The following NCOA7 variants were observed in gnomAD, a reference collection of about 807,000 sequenced individuals.
NCOA7 encodes the protein nuclear receptor coactivator 7.
NCOA7 carries 45 observed loss-of-function variants against 104.3 expected under a neutral mutation model. That is an observed-to-expected ratio of 0.43 (90% CI 0.34 to 0.55). The LOEUF (loss-of-function observed/expected upper bound fraction) is 0.55, where lower values mean the gene tolerates loss of function less well. Ranked by LOEUF, NCOA7 falls within the 20% of genes least tolerant of loss-of-function variation. The probability of loss-of-function intolerance (pLI) is 0.02; values close to 1 mark genes in which losing one functional copy is unlikely to be tolerated. For missense variants in NCOA7, 1,041 were observed against 1,119.7 expected (o/e 0.93, Z 1.00); for synonymous variants, 398 against 402.3 (o/e 0.99, Z 0.13).
chr6:125,882,735 G>A (rs1783946418), intron 7 of NCOA7, 184 bp downstream of exon 7: 2 of 624,102 alleles, frequency 3.2e-6, no homozygotes, highest in East Asian at 5.9e-5. Flanking sequence ...GGTAAATGTT[G>A]TCACTGAGTG....
chr6:125,868,732 C>G (rs1408512014), intron 3 of NCOA7, among the ~76,000 whole-genome samples: 2 of 152,214 alleles, frequency 1.3e-5, no homozygotes, highest in African/African-American at 4.8e-5. Flanking sequence ...ATCAGGGTAC[C>G]CCTTTCTTTG....
rs373063892 is a variant in NCOA7 at position 125,838,030 on chromosome 6, C to G, written c.51-16990C>G. ...ACAAAGCCCTTCCTAGTCCTTAACTCTCTAGGGGCTAAGGAAAAACTTCCC... is the reference window on the plus strand; with the variant it reads ...ACAAAGCCCTTCCTAGTCCTTAACTGTCTAGGGGCTAAGGAAAAACTTCCC... On this transcript the variant is annotated intron_variant, in intron 2 of 15. Transcript: ENST00000392477. 7.6e-4 allele frequency among the ~76,000 whole-genome samples: 116 copies of G among 152,302 alleles called. No homozygotes were observed. The Middle Eastern group carries it at 0.031, about 40-fold the overall frequency.
intron 3 of NCOA7, 128 bp downstream of exon 3, chr6:125,855,368 C>T (rs1218460903): frequency 4.3e-6 from 3 of 690,480 alleles, no homozygotes; most frequent in Admixed American, 2.9e-5. Context: ...GTGCCCCTGG[C>T]CCTTGCTTTA....
chr6:125,903,067 G>A (rs919275036), intron 10 of NCOA7, among the ~76,000 whole-genome samples: 1 of 152,160 alleles, frequency 6.6e-6, no homozygotes, highest in South Asian at 2.1e-4. Context: ...TTCTTCTTTA[G>A]AGATGACAAC....
At chr6:125,876,211 T>C (rs943459227) in intron 4 of NCOA7, among the ~76,000 whole-genome samples, 1 of 152,236 alleles carries the variant, frequency 6.6e-6, no homozygotes. Flanking sequence ...TTTGCAATAG[T>C]AAATCTGCAA....
intron 10 of NCOA7, among the ~76,000 whole-genome samples, chr6:125,908,076 G>A (rs559882898): frequency 6.6e-6 from 1 of 152,280 alleles, no homozygotes; most frequent in South Asian, 2.1e-4. Flanking sequence ...CTGGGAACAA[G>A]CAAACCCAGA....
At chr6:125,882,735 G>T in intron 7 of NCOA7, 184 bp downstream of exon 7, 1 of 624,102 alleles carries the variant, frequency 1.6e-6, no homozygotes, top group Non-Finnish European at 2.7e-6. Context: ...GGTAAATGTT[G>T]TCACTGAGTG....
intron 1 of NCOA7, among the ~76,000 whole-genome samples, chr6:125,793,851 G>A (rs981183248): frequency 6.6e-6 from 1 of 152,140 alleles, no homozygotes; most frequent in African/African-American, 2.4e-5. Context: ...AGTGATTGTT[G>A]TCTACTGGTC....
intron 2 of NCOA7, among the ~76,000 whole-genome samples, chr6:125,836,028 T>G (rs1337356659): frequency 6.6e-6 from 1 of 152,206 alleles, no homozygotes; most frequent in Non-Finnish European, 1.5e-5. Context: ...GATTCTATGA[T>G]TTACGCTTCT....
intron 2 of NCOA7, among the ~76,000 whole-genome samples, chr6:125,843,189 G>A (rs1373002030): frequency 1.3e-5 from 2 of 152,174 alleles, no homozygotes; most frequent in African/African-American, 4.8e-5. Context: ...GCAATCCTAA[G>A]TGTCCATATA....
intron 10 of NCOA7, 119 bp downstream of exon 10, chr6:125,890,929 A>G: frequency 9.8e-7 from 1 of 1,019,490 alleles, no homozygotes; most frequent in Non-Finnish European, 1.3e-6. Flanking sequence ...TGAATTGTAG[A>G]TTTTAGAATT....
chr6:125,888,738 A>G (rs1784422854), intron 8 of NCOA7, among the ~76,000 whole-genome samples: 1 of 152,016 alleles, frequency 6.6e-6, no homozygotes, highest in African/African-American at 2.4e-5. Flanking sequence ...CATTTCCTTT[A>G]GTTGACCTAT....
At chr6:125,817,582 C>G (rs190269547) in intron 2 of NCOA7, among the ~76,000 whole-genome samples, 6 of 152,286 alleles carry the variant, frequency 3.9e-5, no homozygotes, top group African/African-American at 9.6e-5. Context: ...GTGGCATCTC[C>G]TTTCCTATCT....
rs1027593556 is a variant in NCOA7 at position 125,785,174 on chromosome 6, C to T, written c.-141-963C>T. On this transcript the variant is annotated intron_variant, in intron 1 of 16. Transcript: ENST00000368357. ...CCAACATGGTGAAATCCCGTCTCTA[C>T]TAAAAATATAAAAACTAGCCGGGTG... Among the ~76,000 whole-genome samples, 5 of 152,104 alleles carry T rather than the reference C, an allele frequency of 3.3e-5. No individual in the cohort carries two copies. In the East Asian group the frequency reaches 9.6e-4, roughly 29 times the overall value.
chr6:125,916,122 G>C (rs919547102), intron 11 of NCOA7, among the ~76,000 whole-genome samples: 5 of 152,176 alleles, frequency 3.3e-5, no homozygotes, highest in African/African-American at 7.2e-5. Context: ...CATGGGGACA[G>C]TTTCCCCGTG....
chr6:125,869,439 A>G (rs1456603288), intron 3 of NCOA7, among the ~76,000 whole-genome samples: 6 of 152,148 alleles, frequency 3.9e-5, no homozygotes, highest in Non-Finnish European at 5.9e-5. Context: ...CTGTTCTCCA[A>G]TTCTGACAGG....
In NCOA7 at chr6:125,930,940, CCTAGTTTAGTCCATGATA is replaced by C. The variant is rs1159298791; in HGVS notation, c.*2173_*2190del. 1 of 152,604 alleles carries C rather than the reference CCTAGTTTAGTCCATGATA, an allele frequency of 6.6e-6. No homozygotes were observed. The highest frequency in any genetic ancestry group is 1.5e-5 in the Non-Finnish European group (1 of 68,032). The allele number at this position is 152,604 out of a possible 1,614,324, so 9.5% of individuals were successfully genotyped here. A position where few individuals can be genotyped will look rare whatever the true frequency, so the allele number is the denominator to read the frequency against. On this transcript the variant is annotated 3_prime_UTR_variant, in exon 16 of 16. Transcript: ENST00000392477. Reference sequence around the variant, plus strand: ...TCATTTTGCATATACTTCACTCTGACCTAGTTTAGTCCATGATACTATAATTGTGAGAGCATATCCAGA... The same window carrying C: ...TCATTTTGCATATACTTCACTCTGACCTATAATTGTGAGAGCATATCCAGA...
chr6:125,840,521 C>G (rs944368860), intron 2 of NCOA7, among the ~76,000 whole-genome samples: 1 of 151,762 alleles, frequency 6.6e-6, no homozygotes, highest in South Asian at 2.1e-4. Flanking sequence ...ATCATTTTTT[C>G]TTTTCTTTTT....
At chr6:125,801,634 A>G (rs558716601) in intron 1 of NCOA7, among the ~76,000 whole-genome samples, 1 of 152,286 alleles carries the variant, frequency 6.6e-6, no homozygotes, top group South Asian at 2.1e-4. Flanking sequence ...CTGGTAGAAG[A>G]ATCCTTCCTT....
Sources: allele counts gnomAD v4.1 joint callset (sites outside exome capture counted in the v4.1 genomes callset), GRCh38; gene constraint gnomAD v4.1.1; transcripts MANE v1.5; gene names NCBI Gene and HGNC (gene_info 2026-07-23, HGNC 2026-07-21).